RTF2: variants seen among roughly 807,000 people sequenced by gnomAD.
RTF2 encodes replication termination factor 2.
In RTF2, 18 loss-of-function variants were observed where a neutral mutation model predicts 38.0. That is an observed-to-expected ratio of 0.47 (90% CI 0.33 to 0.70). RTF2 has a LOEUF of 0.70. Among genes scored for constraint, RTF2 ranks in the 30% least tolerant of loss-of-function variants. RTF2 has a pLI of 0.02. For missense variants in RTF2, 311 were observed against 379.6 expected (o/e 0.82, Z 1.50); for synonymous variants, 126 against 137.1 (o/e 0.92, Z 0.57).
At chr20:56,471,234 T>C (rs965253709) in intron 1 of RTF2, among the ~76,000 whole-genome samples, 2 of 152,186 alleles carry the variant, frequency 1.3e-5, no homozygotes, top group African/African-American at 4.8e-5. Context: ...TTGTCCGAAG[T>C]GTTCTGGAAG....
At chr20:56,510,588 G>T (rs569957899) in intron 5 of RTF2, among the ~76,000 whole-genome samples, 1 of 152,182 alleles carries the variant, frequency 6.6e-6, no homozygotes, top group African/African-American at 2.4e-5. Flanking sequence ...CAACTCATAG[G>T]GGGCAGAGAC....
At position 56,495,617 on chromosome 20, in the gene RTF2, CTT is replaced by C. The variant is rs147636376; in HGVS notation, c.477+11430_477+11431del. On this transcript the variant is annotated intron_variant, in intron 5 of 8. Coordinates refer to ENST00000357348, the MANE Select transcript of RTF2 (RefSeq NM_016407.5). ...ACTCCCTTGCTGTATGCAGAGTACTCTTTGTGATTCTCTTGGGGTTCTTTGGA... is the reference window on the plus strand; with the variant it reads ...ACTCCCTTGCTGTATGCAGAGTACTCTGTGATTCTCTTGGGGTTCTTTGGA... 1.1e-4 allele frequency among the ~76,000 whole-genome samples: 16 copies of C among 152,284 alleles called. No individual in the cohort carries two copies. The East Asian group carries it at 3.1e-3, about 29-fold the overall frequency.
intron 8 of RTF2, among the ~76,000 whole-genome samples, chr20:56,517,594 TCA>T (rs1985130816): frequency 6.6e-6 from 1 of 152,196 alleles, no homozygotes; most frequent in South Asian, 2.1e-4. Flanking sequence ...CGTGTGGCTC[TCA>T]GAGTCCCCTC....
chr20:56,505,930 GT>G (rs1446842710), intron 5 of RTF2, among the ~76,000 whole-genome samples: 2 of 152,088 alleles, frequency 1.3e-5, no homozygotes, highest in Non-Finnish European at 2.9e-5. Flanking sequence ...ATACAGTGGG[GT>G]TTTTTTATGT....
intron 5 of RTF2, among the ~76,000 whole-genome samples, chr20:56,511,060 G>A (rs1267323520): frequency 6.6e-6 from 1 of 151,982 alleles, no homozygotes; most frequent in Non-Finnish European, 1.5e-5. Flanking sequence ...GTTTTTTGTT[G>A]TTGTTGTGAC....
chr20:56,476,283 A>C (rs951803378), intron 3 of RTF2, among the ~76,000 whole-genome samples: 2 of 152,142 alleles, frequency 1.3e-5, no homozygotes, highest in Admixed American at 1.3e-4. Flanking sequence ...TCAACGATTA[A>C]ATAAATGTAG....
At chr20:56,476,018 G>A (rs554309880) in intron 3 of RTF2, among the ~76,000 whole-genome samples, 2 of 152,204 alleles carry the variant, frequency 1.3e-5, no homozygotes, top group Non-Finnish European at 2.9e-5. Context: ...TGCCTTTCAA[G>A]ACACTCACCT....
chr20:56,495,403 A>G (rs752238321), intron 5 of RTF2: 4 of 882,148 alleles, frequency 4.5e-6, no homozygotes, highest in East Asian at 5.3e-5. Context: ...TGAGGTAGTC[A>G]ATGAGAAAAG....
At chr20:56,516,602 C>T (rs975702958) in intron 6 of RTF2, 2 of 377,914 alleles carry the variant, frequency 5.3e-6, no homozygotes, top group Non-Finnish European at 9.6e-6. Flanking sequence ...CTTTTGTATA[C>T]AGTTGTCACC....
At chr20:56,482,572 A>C (rs1982578725) in intron 4 of RTF2, among the ~76,000 whole-genome samples, 2 of 152,258 alleles carry the variant, frequency 1.3e-5, no homozygotes, top group African/African-American at 4.8e-5. Flanking sequence ...ATGGAAATAA[A>C]CTGTTAGTGT....
rs374689336 is a variant in RTF2 at position 56,516,923 on chromosome 20, A to G, written c.592-12A>G. 4 of 1,613,052 alleles carry G rather than the reference A, an allele frequency of 2.5e-6. No homozygotes were observed. The highest frequency in any genetic ancestry group is 1.3e-5 in the African/African-American group (1 of 74,882). On this transcript the variant is annotated splice_polypyrimidine_tract_variant and intron_variant, in intron 6 of 8. Coordinates refer to ENST00000357348, the MANE Select transcript of RTF2 (RefSeq NM_016407.5). ...CTGAGCACAGCCTCCAACATTCTCT[A>G]TCTTTTTGTAGAAAACAAAGAAACC...
chr20:56,505,091 G>A (rs1015440363), intron 5 of RTF2, among the ~76,000 whole-genome samples: 2 of 152,158 alleles, frequency 1.3e-5, no homozygotes, highest in Admixed American at 6.5e-5. Flanking sequence ...GATCTAGCAA[G>A]AATCAGAAAA....
intron 5 of RTF2, chr20:56,496,930 C>T: frequency 6.4e-7 from 1 of 1,551,006 alleles, no homozygotes; most frequent in Non-Finnish European, 8.7e-7. Context: ...ATATTTTTAT[C>T]ACTCCATTTG....
chr20:56,517,964 C>T, intron 8 of RTF2, 123 bp from the exon 9 acceptor site: 1 of 900,660 alleles, frequency 1.1e-6, no homozygotes, highest in Non-Finnish European at 1.7e-6. Context: ...CGTCCGCCAG[C>T]ACTCACACAG....
chr20:56,478,253 C>T (rs1460242195), intron 4 of RTF2, among the ~76,000 whole-genome samples: 5 of 152,184 alleles, frequency 3.3e-5, no homozygotes, highest in Non-Finnish European at 5.9e-5. Context: ...CTTTGGGAGG[C>T]CGAGACAGGA....
intron 1 of RTF2, among the ~76,000 whole-genome samples, chr20:56,472,662 T>C (rs1212878377): frequency 6.6e-6 from 1 of 152,210 alleles, no homozygotes; most frequent in African/African-American, 2.4e-5. Context: ...GAAATTAATC[T>C]AACACACTTT....
At chr20:56,472,507 GC>G (rs1982025677) in intron 1 of RTF2, 9 of 666,596 alleles carry the variant, frequency 1.4e-5, no homozygotes, top group Admixed American at 7.5e-5. Flanking sequence ...TAGTGAATAA[GC>G]CCCAAAACAC....
chr20:56,472,374 G>A (rs1276608856), intron 1 of RTF2: 1 of 1,548,078 alleles, frequency 6.5e-7, no homozygotes, highest in South Asian at 1.2e-5. Flanking sequence ...ACACAGTGAA[G>A]GAAAAAACAA....
intron 5 of RTF2, among the ~76,000 whole-genome samples, chr20:56,486,342 C>T (rs944125106): frequency 1.3e-5 from 2 of 152,042 alleles, no homozygotes; most frequent in Admixed American, 6.6e-5. Flanking sequence ...CTATATTTAG[C>T]CTAGGAATAT....
Sources: allele counts gnomAD v4.1 joint callset (sites outside exome capture counted in the v4.1 genomes callset), GRCh38; gene constraint gnomAD v4.1.1; transcripts MANE v1.5; gene names NCBI Gene and HGNC (gene_info 2026-07-23, HGNC 2026-07-21).